ADGRG7: variants seen among roughly 807,000 people sequenced by gnomAD.
ADGRG7 encodes the protein G-protein coupled receptor 128.
ADGRG7 carries 82 observed loss-of-function variants against 88.6 expected under a neutral mutation model. That is an observed-to-expected ratio of 0.93 (90% CI 0.77 to 1.11). The LOEUF (loss-of-function observed/expected upper bound fraction) is 1.11, where lower values mean the gene tolerates loss of function less well. ADGRG7 is among the 50% of genes most tolerant of loss of function. The pLI, the probability that ADGRG7 is intolerant of heterozygous loss-of-function variation, is 0.00. For synonymous variants in ADGRG7, 381 were observed against 345.2 expected, an observed-to-expected ratio of 1.10 and a Z score of -1.15; for missense variants, 945 against 953.4, an observed-to-expected ratio of 0.99 and a Z score of 0.12.
intron 15 of ADGRG7, 127 bp from the exon 16 acceptor site, chr3:100,694,617 A>T (rs1297598580): frequency 3.4e-6 from 3 of 872,926 alleles, no homozygotes; most frequent in Non-Finnish European, 5.2e-6. Context: ...GCAGCTGCAC[A>T]CTGGCAAATT....
At chr3:100,652,036 T>C (rs569991356) in intron 11 of ADGRG7, among the ~76,000 whole-genome samples, 1 of 152,124 alleles carries the variant, frequency 6.6e-6, no homozygotes, top group Non-Finnish European at 1.5e-5. Context: ...ATAGTAATAA[T>C]CTATAAGAAG....
chr3:100,610,602 G>C (rs1707132988), intron 1 of ADGRG7, among the ~76,000 whole-genome samples: 1 of 152,162 alleles, frequency 6.6e-6, no homozygotes, highest in Non-Finnish European at 1.5e-5. Context: ...AGGAGGACGT[G>C]GGAGGGGAAG....
intron 14 of ADGRG7, chr3:100,665,270 C>T: frequency 3.7e-6 from 2 of 540,574 alleles, no homozygotes; most frequent in Admixed American, 1.9e-5. Context: ...TATAACTATA[C>T]ACAATGAAAC....
chr3:100,635,609 C>T (rs1015803897), intron 4 of ADGRG7, 68 bp from the exon 5 acceptor site: 1 of 1,557,196 alleles, frequency 6.4e-7, no homozygotes, highest in Non-Finnish European at 8.7e-7. Flanking sequence ...TATTTACCTG[C>T]AGTTGCTTAC....
At chr3:100,673,470 T>C (rs2094961191) in intron 15 of ADGRG7, among the ~76,000 whole-genome samples, 1 of 148,666 alleles carries the variant, frequency 6.7e-6, no homozygotes, top group Admixed American at 6.7e-5. Flanking sequence ...TCTTCTTCTT[T>C]TTTTTTTTTT....
At chr3:100,627,285 T>A (rs1707392596) in intron 1 of ADGRG7, among the ~76,000 whole-genome samples, 1 of 152,212 alleles carries the variant, frequency 6.6e-6, no homozygotes, top group South Asian at 2.1e-4. Context: ...AAAAGTGAGA[T>A]GCTTTTTGTC....
At chr3:100,629,938 T>G (rs1211838066) in intron 2 of ADGRG7, among the ~76,000 whole-genome samples, 1 of 152,280 alleles carries the variant, frequency 6.6e-6, no homozygotes, top group East Asian at 1.9e-4. Context: ...ACTACTAAGT[T>G]TTTTTGCAAA....
chr3:100,630,655 A>G, intron 2 of ADGRG7, 50 bp from the exon 3 acceptor site: 1 of 921,586 alleles, frequency 1.1e-6, no homozygotes, highest in Non-Finnish European at 1.5e-6. Context: ...TCTGGTTTCA[A>G]TTTTTTTAAA....
intron 15 of ADGRG7, among the ~76,000 whole-genome samples, chr3:100,672,212 T>C (rs1023896333): frequency 2.6e-5 from 4 of 152,210 alleles, no homozygotes; most frequent in African/African-American, 9.6e-5. Context: ...TCCATTTATT[T>C]GTGTCCTCTC....
intron 12 of ADGRG7, 141 bp from the exon 13 acceptor site, chr3:100,655,758 T>C (rs919030077): frequency 1.8e-5 from 10 of 559,318 alleles, no homozygotes; most frequent in African/African-American, 3.7e-5. Context: ...GACCCACATC[T>C]GTAGGATCAC....
chr3:100,677,216 G>A (rs1479917165), intron 15 of ADGRG7, among the ~76,000 whole-genome samples: 1 of 151,802 alleles, frequency 6.6e-6, no homozygotes, highest in East Asian at 1.9e-4. Flanking sequence ...TTAACTCTTT[G>A]CTTTTTATTT....
chr3:100,687,290 G>C (rs1435345409), intron 15 of ADGRG7, among the ~76,000 whole-genome samples: 1 of 152,146 alleles, frequency 6.6e-6, no homozygotes, highest in Non-Finnish European at 1.5e-5. Flanking sequence ...AGATGATGGG[G>C]TTTTCTAGAT....
intron 10 of ADGRG7, among the ~76,000 whole-genome samples, chr3:100,648,222 C>T (rs1028792664): frequency 2.6e-5 from 4 of 152,056 alleles, no homozygotes; most frequent in African/African-American, 9.7e-5. Flanking sequence ...TATTTTTTCT[C>T]ATTAGTATCT....
Position 100,653,117 on chromosome 3 carries a change from T to G in ADGRG7, c.1380-1718T>G, listed in dbSNP as rs971597070. 2.0e-5 allele frequency among the ~76,000 whole-genome samples: 3 copies of G among 152,312 alleles called. No individual in the cohort carries two copies. In the East Asian group the frequency reaches 5.8e-4, roughly 29 times the overall value. The stretch of plus-strand genomic sequence containing the variant: ...TTGATGAAAATAAGGTTCTGAAAAG[T>G]CTTGCAGAAAAGATATGTGAAATAT... On this transcript the variant is annotated intron_variant, in intron 11 of 15. Coordinates refer to ENST00000273352, the MANE Select transcript of ADGRG7 (RefSeq NM_032787.3).
rs367607104 is a variant in ADGRG7 at position 100,635,463 on chromosome 3, C to T, written c.448-214C>T. On this transcript the variant is annotated intron_variant, in intron 4 of 15. Transcript: ENST00000273352. ...GCTAAGGCAGCCCCTTATAGTTAAT[C>T]AATCCTGTCAAACAGGAAAGGCTGG... 16 of 1,077,290 alleles carry T rather than the reference C, an allele frequency of 1.5e-5. No homozygotes were observed. In the African/African-American group the frequency reaches 2.6e-4, roughly 17 times the overall value. 66.7% of individuals were successfully genotyped at this position (1,077,290 alleles called of 1,614,324 possible).
intron 6 of ADGRG7, among the ~76,000 whole-genome samples, chr3:100,641,551 A>C (rs1278182567): frequency 6.6e-6 from 1 of 152,264 alleles, no homozygotes; most frequent in East Asian, 1.9e-4. Context: ...TTACAGAACA[A>C]GAACAATGAG....
intron 13 of ADGRG7, among the ~76,000 whole-genome samples, chr3:100,658,249 T>G (rs1367108811): frequency 6.6e-6 from 1 of 152,210 alleles, no homozygotes; most frequent in Non-Finnish European, 1.5e-5. Flanking sequence ...ATCAGACTAT[T>G]TCTTAACATC....
intron 1 of ADGRG7, among the ~76,000 whole-genome samples, chr3:100,618,821 T>C (rs1444606184): frequency 6.6e-6 from 1 of 152,216 alleles, no homozygotes; most frequent in Non-Finnish European, 1.5e-5. Flanking sequence ...ATGGCCATTT[T>C]CACAATATTG....
intron 8 of ADGRG7, among the ~76,000 whole-genome samples, chr3:100,645,659 T>C (rs1009163905): frequency 6.6e-6 from 1 of 152,190 alleles, no homozygotes; most frequent in Non-Finnish European, 1.5e-5. Context: ...TATGAGATCT[T>C]TGCAATACCT....
Sources: gnomAD v4.1 joint callset for allele counts (sites outside exome capture counted in the v4.1 genomes callset) on GRCh38, gnomAD v4.1.1 for gene constraint, MANE v1.5 for transcripts, NCBI Gene and HGNC (gene_info 2026-07-23, HGNC 2026-07-21) for gene names.